ADGRG2: variants seen among roughly 807,000 people sequenced by gnomAD.
The protein encoded by ADGRG2 is adhesion G protein-coupled receptor G2.
ADGRG2 carries 26 observed loss-of-function variants against 74.1 expected under a neutral mutation model. That is an observed-to-expected ratio of 0.35 (90% CI 0.26 to 0.49). The LOEUF (loss-of-function observed/expected upper bound fraction) is 0.49, where lower values mean the gene tolerates loss of function less well. ADGRG2 is among the 20% of genes least tolerant of loss of function. The pLI is 0.99. For missense variants in ADGRG2, 619 were observed against 763.1 expected (o/e 0.81, Z 2.22); for synonymous variants, 296 against 295.2 (o/e 1.00, Z -0.03).
intron 1 of ADGRG2, among the ~76,000 whole-genome samples, chrX:19,099,637 G>A (rs781701662): frequency 6.7e-4 from 75 of 112,296 alleles, no homozygotes; most frequent in Non-Finnish European, 9.6e-4. Flanking sequence ...ACACCTACAC[G>A]TGATTGCCTA....
At chrX:19,081,902 C>T (rs1208835341) in intron 2 of ADGRG2, among the ~76,000 whole-genome samples, 1 of 107,430 alleles carries the variant, frequency 9.3e-6, no homozygotes, top group African/African-American at 3.4e-5. Context: ...AGGGAGATCC[C>T]GTCTCTACAA....
intron 10 of ADGRG2, 89 bp from the exon 11 acceptor site, chrX:19,027,363 G>C (rs1483729360): frequency 1.7e-6 from 1 of 599,309 alleles, no homozygotes; most frequent in Non-Finnish European, 2.9e-6. Context: ...AGTTTTATCA[G>C]CCACTCAAAT....
Position 19,013,868 on chromosome X carries a change from G to C in ADGRG2, c.917C>G (p.Pro306Arg), listed in dbSNP as rs200235789. The C allele has an allele frequency of 1.1e-5, 13 of 1,206,931 alleles. No individual in the cohort carries two copies. Among genetic ancestry groups the C allele is most frequent in the Non-Finnish European group, 1.3e-5 (12 of 893,500 alleles). ...IGEIQPLSPQ[P>R]SAPIASSPAI... ...AGGGCTGGAAGCTATGGGAGCTGAA[G>C]GCTGGGGTGAAAGGGGTTGAATCTC... The change falls in exon 16 of 29, where the codon CCT becomes CGT. Residue 306 changes from proline (P) to arginine (R), a missense_variant. By Grantham distance (103) the Pro-to-Arg change is moderately radical. This residue lies in a region of ADGRG2 where 292 missense variants were observed against 318.0 expected (regional missense o/e 0.92). Transcript: ENST00000379869.
At chrX:19,063,549 T>C (rs1186283747) in intron 3 of ADGRG2, among the ~76,000 whole-genome samples, 1 of 112,142 alleles carries the variant, frequency 8.9e-6, no homozygotes, top group Non-Finnish European at 1.9e-5. Flanking sequence ...TTTGTAAGGA[T>C]TAAATGAGAT....
intron 28 of ADGRG2, among the ~76,000 whole-genome samples, chrX:18,991,302 A>T (rs1342329205): frequency 9.0e-6 from 1 of 111,382 alleles, no homozygotes; most frequent in African/African-American, 3.3e-5. Context: ...GTTTTTAATG[A>T]AACAGTCAAA....
chrX:18,995,062 A>G lies in ADGRG2; in HGVS notation c.2717-14T>C. On this transcript the variant is annotated splice_polypyrimidine_tract_variant and intron_variant, in intron 27 of 28. Coordinates refer to ENST00000379869, the MANE Select transcript of ADGRG2 (RefSeq NM_001079858.3). ...TTTTACTCCAGTCTACAGCAGAATA[A>G]GCATTACAGAAAAACAGGGCAGTAT... 8.6e-7 allele frequency: 1 copy of G among 1,168,941 alleles called. No homozygotes were observed. The highest frequency in any genetic ancestry group is 1.2e-6 in the Non-Finnish European group (1 of 866,296).
chrX:19,101,103 G>A (rs1298249153), intron 1 of ADGRG2, among the ~76,000 whole-genome samples: 1 of 50,911 alleles, frequency 2.0e-5, no homozygotes, highest in Non-Finnish European at 3.1e-5. Context: ...TCATGAGATT[G>A]TGTGTGTGTG....
At chrX:19,083,211 G>C (rs1239971109) in intron 1 of ADGRG2, among the ~76,000 whole-genome samples, 2 of 102,987 alleles carry the variant, frequency 1.9e-5, no homozygotes, top group Non-Finnish European at 3.9e-5. Flanking sequence ...GTAGAGACAG[G>C]GTTTCACCAT....
At chrX:19,095,274 G>A (rs1355261639) in intron 1 of ADGRG2, among the ~76,000 whole-genome samples, 2 of 111,057 alleles carry the variant, frequency 1.8e-5, no homozygotes, top group Non-Finnish European at 3.8e-5. Context: ...TGAGAAAACG[G>A]GAGACTACAT....
rs190903376 is a variant in ADGRG2, at chrX:19,039,585, A to G, written c.154+604T>C. On this transcript the variant is annotated intron_variant, in intron 4 of 28. Coordinates refer to ENST00000379869, the MANE Select transcript of ADGRG2 (RefSeq NM_001079858.3). ...GGAGCAAGGAGCTGTGTGATCTTAG[A>G]GAAGTTCCTCAGCCACTCCAGGCTT... Among the ~76,000 whole-genome samples, 238 of 112,015 alleles carry G rather than the reference A, an allele frequency of 2.1e-3. 1 individual carries two copies. Among genetic ancestry groups the G allele is most frequent in the Middle Eastern group, 0.014 (3 of 217 alleles).
intron 3 of ADGRG2, among the ~76,000 whole-genome samples, chrX:19,058,698 C>G (rs770235702): frequency 8.9e-6 from 1 of 112,322 alleles, no homozygotes; most frequent in African/African-American, 3.2e-5. Flanking sequence ...TCACACTGGA[C>G]ACGGATGTTA....
At chrX:19,113,955 C>G (rs1255840059) in intron 1 of ADGRG2, among the ~76,000 whole-genome samples, 1 of 107,913 alleles carries the variant, frequency 9.3e-6, no homozygotes, top group Non-Finnish European at 1.9e-5. Flanking sequence ...ACCTGTGGTC[C>G]CAGCTACTCA....
In ADGRG2 at chrX:18,998,349, G is replaced by A. The variant is rs753611525; in HGVS notation, c.2614+647C>T. Among the ~76,000 whole-genome samples the A allele has an allele frequency of 8.1e-5, 9 of 110,927 alleles. No individual in the cohort carries two copies. The East Asian group carries it at 8.5e-4, about 11-fold the overall frequency. ...AGTTTTTTTTTTTAAAAGAAACCAAGTGAAGGAAGAATAATTGACTTTTTC... is the reference window on the plus strand; with the variant it reads ...AGTTTTTTTTTTTAAAAGAAACCAAATGAAGGAAGAATAATTGACTTTTTC... On this transcript the variant is annotated intron_variant, in intron 26 of 28. Transcript: ENST00000379869.
At chrX:19,097,090 C>T (rs1160566412) in intron 1 of ADGRG2, among the ~76,000 whole-genome samples, 2 of 112,542 alleles carry the variant, frequency 1.8e-5, no homozygotes, top group Non-Finnish European at 3.8e-5. Flanking sequence ...CCACCCAGCC[C>T]CTCTCTGCCT....
chrX:19,092,381 C>T (rs182110953), intron 1 of ADGRG2, among the ~76,000 whole-genome samples: 2 of 107,473 alleles, frequency 1.9e-5, no homozygotes, highest in Admixed American at 2.0e-4. Context: ...CAATGCCTAA[C>T]TTGATGGGGG....
chrX:19,003,228 G>C, intron 23 of ADGRG2, 114 bp from the exon 24 acceptor site: 1 of 524,806 alleles, frequency 1.9e-6, no homozygotes, highest in East Asian at 3.4e-5. Flanking sequence ...GCAGTAGCGT[G>C]ATCTCAGGTC....
intron 1 of ADGRG2, among the ~76,000 whole-genome samples, chrX:19,101,101 T>TTGTGTGTGTGTG (rs10579733): frequency 1.6e-4 from 14 of 89,823 alleles, no homozygotes; most frequent in African/African-American, 4.9e-4. Flanking sequence ...AATCATGAGA[T>TTGTGTGTGTGTG]TGTGTGTGTG....
intron 1 of ADGRG2, among the ~76,000 whole-genome samples, chrX:19,116,506 C>CAA (rs10677696): frequency 0.12 from 2,855 of 23,038 alleles, 554 homozygotes; most frequent in African/African-American, 0.32. Flanking sequence ...GATTCCGTCT[C>CAA]AAAAAAAAAA....
Position 19,015,202 on chromosome X carries a change from T to C in ADGRG2, c.711-1128A>G, listed in dbSNP as rs561474496. ...AGCCTCTGATCGATCTAGTGTCAGA[T>C]GGAGACTTAGAACACCAACAAGAAT... On this transcript the variant is annotated intron_variant, in intron 15 of 28. Coordinates refer to ENST00000379869, the MANE Select transcript of ADGRG2 (RefSeq NM_001079858.3). Among the ~76,000 whole-genome samples the C allele has an allele frequency of 2.5e-4, 28 of 111,758 alleles. No individual in the cohort carries two copies. The South Asian group carries it at 3.8e-3, about 15-fold the overall frequency.
Sources: allele counts gnomAD v4.1 joint callset (sites outside exome capture counted in the v4.1 genomes callset), GRCh38; gene constraint gnomAD v4.1.1; regional missense constraint gnomAD v4.1.1; transcripts MANE v1.5; gene names NCBI Gene and HGNC (gene_info 2026-07-23, HGNC 2026-07-21).